SLC12A2: variants seen among roughly 807,000 people sequenced by gnomAD.
SLC12A2 encodes Na-K-2Cl cotransporter 1.
Under a neutral mutation model 136.3 loss-of-function variants are expected in SLC12A2, and 67 were observed. The ratio of observed to expected loss-of-function variants is 0.49; its 90% CI spans 0.40 to 0.60. SLC12A2 has a LOEUF of 0.60. SLC12A2 is among the 20% of genes least tolerant of loss of function. The probability of loss-of-function intolerance (pLI) is 0.00; values close to 1 mark genes in which losing one functional copy is unlikely to be tolerated. For missense variants in SLC12A2, 1,322 were observed against 1,534.7 expected, an observed-to-expected ratio of 0.86 and a Z score of 2.32; for synonymous variants, 619 against 562.9, an observed-to-expected ratio of 1.10 and a Z score of -1.41.
chr5:128,144,677 C>T (rs1762472149), intron 10 of SLC12A2, among the ~76,000 whole-genome samples: 1 of 152,118 alleles, frequency 6.6e-6, no homozygotes, highest in Non-Finnish European at 1.5e-5. Context: ...GGACTCCAGG[C>T]ACTGAGTGTG....
At position 128,171,967 on chromosome 5, in the gene SLC12A2, A is replaced by T. The variant is rs537307183; in HGVS notation, c.2803+221A>T. The T allele has an allele frequency of 7.3e-5, 27 of 370,508 alleles. No individual in the cohort carries two copies. The East Asian group carries it at 1.2e-3, about 16-fold the overall frequency. The allele number at this position is 370,508 out of a possible 1,614,324, so 23.0% of individuals were successfully genotyped here. A position where few individuals can be genotyped will look rare whatever the true frequency, so the allele number is the denominator to read the frequency against. Reference sequence around the variant, plus strand: ...GTTAGTGATTATTTGGATTGAATAAAATTCAATCCAAAGCATAAGCTTAAG... The same window carrying T: ...GTTAGTGATTATTTGGATTGAATAATATTCAATCCAAAGCATAAGCTTAAG... On this transcript the variant is annotated intron_variant, in intron 19 of 26. Transcript: ENST00000262461.
chr5:128,130,381 G>T (rs1394235160), intron 4 of SLC12A2, among the ~76,000 whole-genome samples: 6 of 152,058 alleles, frequency 3.9e-5, no homozygotes, highest in Non-Finnish European at 7.4e-5. Context: ...TGAGCCAGGT[G>T]GCGCACGCCT....
chr5:128,184,824 G>T lies in SLC12A2; in HGVS notation c.3471G>T (p.Lys1157Asn). 2 of 1,607,424 alleles carry T rather than the reference G, an allele frequency of 1.2e-6. No homozygotes were observed. The highest frequency in any genetic ancestry group is 1.7e-6 in the Non-Finnish European group (2 of 1,174,298). Residue 1157 changes from lysine (K) to asparagine (N), a missense_variant, in exon 26 of 27, where the codon AAG becomes AAT. This residue lies in a region of SLC12A2 where 172 missense variants were observed against 227.4 expected (regional missense o/e 0.76). Transcript: ENST00000262461. The stretch of plus-strand genomic sequence containing the variant: ...AGATCAGGTTAAATGAGTTATTAAA[G>T]GAACATTCAAGCACAGCTAATATTA... ...YRQIRLNELL[K>N]EHSSTANIIV...
At chr5:128,133,689 A>G (rs1024313154) in intron 5 of SLC12A2, among the ~76,000 whole-genome samples, 3 of 152,088 alleles carry the variant, frequency 2.0e-5, no homozygotes, top group Admixed American at 6.5e-5. Flanking sequence ...TGCCATTGAT[A>G]TTAAACTACA....
At chr5:128,133,161 A>C (rs980978460) in intron 5 of SLC12A2, among the ~76,000 whole-genome samples, 1 of 152,144 alleles carries the variant, frequency 6.6e-6, no homozygotes, top group Non-Finnish European at 1.5e-5. Context: ...TCAAATTTAA[A>C]AAAACACTAA....
chr5:128,088,086 T>C (rs1561648825), intron 1 of SLC12A2, among the ~76,000 whole-genome samples: 2 of 151,620 alleles, frequency 1.3e-5, no homozygotes, highest in Non-Finnish European at 2.9e-5. Flanking sequence ...TATAAAGATT[T>C]GGTTGCTTAA....
Position 128,186,663 on chromosome 5 carries a change from G to A in SLC12A2, c.*32G>A. On this transcript the variant is annotated 3_prime_UTR_variant, in exon 27 of 27. Transcript: ENST00000262461. ...TATACAGTGGACAGCCCTCCAGAATGGTACTTCAGTGCCTAGTGTAGTAAC... is the reference window on the plus strand; with the variant it reads ...TATACAGTGGACAGCCCTCCAGAATAGTACTTCAGTGCCTAGTGTAGTAAC... The A allele has an allele frequency of 6.2e-7, 1 of 1,609,802 alleles. No homozygotes were observed. The highest frequency in any genetic ancestry group is 1.1e-5 in the South Asian group (1 of 90,660).
At chr5:128,147,490 A>G in intron 10 of SLC12A2, 132 bp from the exon 11 acceptor site, 2 of 568,304 alleles carry the variant, frequency 3.5e-6, no homozygotes, top group Non-Finnish European at 6.3e-6. Flanking sequence ...TAATGCACAT[A>G]GCGTTGTTGT....
chr5:128,098,718 A>C (rs1045180378), intron 1 of SLC12A2, among the ~76,000 whole-genome samples: 2 of 151,926 alleles, frequency 1.3e-5, no homozygotes, highest in African/African-American at 4.8e-5. Flanking sequence ...TCCTCTCCCC[A>C]TACAATAGCT....
At chr5:128,095,870 A>T (rs1415740648) in intron 1 of SLC12A2, among the ~76,000 whole-genome samples, 1 of 152,100 alleles carries the variant, frequency 6.6e-6, no homozygotes, top group Non-Finnish European at 1.5e-5. Context: ...GACCTAGACC[A>T]TGTTGAGTCT....
Position 128,084,672 on chromosome 5 carries a change from C to T in SLC12A2, c.718C>T (p.Arg240Trp). 6.2e-7 allele frequency: 1 copy of T among 1,610,102 alleles called. No individual in the cohort carries two copies. Among genetic ancestry groups the T allele is most frequent in the Non-Finnish European group, 8.5e-7 (1 of 1,178,068 alleles). ...TAAQLGEKLLRPSLAELHDEL... is the reference protein window; with the variant it reads ...TAAQLGEKLLWPSLAELHDEL... ...CGCGCAGCTGGGCGAGAAGCTGCTC[C>T]GGCCTAGCCTGGCGGAGCTCCACGA... Residue 240 changes from arginine (R) to tryptophan (W), a missense_variant, in exon 1 of 27, where the codon CGG becomes TGG. Arg to Trp is a moderately radical substitution (Grantham distance 101, BLOSUM62 -3). Transcript: ENST00000262461. This position sits in a 1 kb window ranked among gnomAD's most constrained non-coding sequence, Gnocchi z 5.6.
intron 1 of SLC12A2, among the ~76,000 whole-genome samples, chr5:128,095,408 T>C (rs1459791273): frequency 1.3e-5 from 2 of 152,148 alleles, no homozygotes; most frequent in Non-Finnish European, 2.9e-5. Context: ...CAGAATCTTT[T>C]TGAAACCAGG....
At chr5:128,174,484 T>C in intron 19 of SLC12A2, 57 bp from the exon 20 acceptor site, 1 of 1,326,976 alleles carries the variant, frequency 7.5e-7, no homozygotes, top group Non-Finnish European at 1.0e-6. Context: ...CCATAATGCC[T>C]TATTTAACAG....
chr5:128,110,448 A>C, intron 1 of SLC12A2: 1 of 1,213,230 alleles, frequency 8.2e-7, no homozygotes, highest in Non-Finnish European at 1.2e-6. Flanking sequence ...GAGCTGGTTA[A>C]ACTCAGTAGA....
At chr5:128,135,630 T>G (rs1762163178) in intron 6 of SLC12A2, 70 bp from the exon 7 acceptor site, 1 of 1,030,980 alleles carries the variant, frequency 9.7e-7, no homozygotes, top group Non-Finnish European at 1.5e-6. Context: ...GGAAGTTATA[T>G]TCTAGGGGAA....
chr5:128,184,563 A>C (rs1180219203), intron 25 of SLC12A2, 62 bp downstream of exon 25: 1 of 1,429,130 alleles, frequency 7.0e-7, no homozygotes, highest in Non-Finnish European at 9.4e-7. Flanking sequence ...AAAACCAAGA[A>C]CTTTAATTTG....
At chr5:128,113,428 G>A (rs1411788225) in intron 2 of SLC12A2, among the ~76,000 whole-genome samples, 1 of 152,148 alleles carries the variant, frequency 6.6e-6, no homozygotes, top group African/African-American at 2.4e-5. Context: ...CATAGATTTA[G>A]GTGGTTAAGG....
intron 1 of SLC12A2, among the ~76,000 whole-genome samples, chr5:128,085,618 A>G (rs1449007170): frequency 6.6e-6 from 1 of 152,196 alleles, no homozygotes; most frequent in Non-Finnish European, 1.5e-5. Flanking sequence ...ATGAGCCGGG[A>G]TTACTTGAAG....
intron 1 of SLC12A2, among the ~76,000 whole-genome samples, chr5:128,106,700 T>C (rs1398211138): frequency 6.6e-6 from 1 of 152,214 alleles, no homozygotes; most frequent in African/African-American, 2.4e-5. Flanking sequence ...ACTTTGTTCT[T>C]ACAACATAGT....
Sources: gnomAD v4.1 joint callset for allele counts (sites outside exome capture counted in the v4.1 genomes callset) on GRCh38, gnomAD v4.1.1 for gene constraint, gnomAD v4.1.1 regional missense constraint, Gnocchi (gnomAD v3.1) non-coding constraint, MANE v1.5 for transcripts, NCBI Gene and HGNC (gene_info 2026-07-23, HGNC 2026-07-21) for gene names.